The following CYSLTR1 variants were observed in gnomAD, a reference collection of about 807,000 sequenced individuals.
The protein encoded by CYSLTR1 is cysteinyl leukotriene receptor 1.
In CYSLTR1, 1 loss-of-function variant was observed where a neutral mutation model predicts 2.1. The observed-to-expected ratio is 0.48, with a 90% CI of 0.17 to 2.28. The LOEUF is 2.28. Among genes scored for constraint, CYSLTR1 ranks in the 30% most tolerant of loss-of-function variants. The pLI is 0.26. For missense variants in CYSLTR1, 299 were observed against 250.1 expected (o/e 1.20, Z -1.32); for synonymous variants, 110 against 89.6 (o/e 1.23, Z -1.28).
intron 1 of CYSLTR1, among the ~76,000 whole-genome samples, chrX:78,326,366 TA>T (rs900254324): frequency 8.0e-5 from 9 of 112,054 alleles, no homozygotes; most frequent in African/African-American, 2.9e-4. Flanking sequence ...TTTTTGTTTT[TA>T]AAACAGTGTA....
At chrX:78,286,747 C>G (rs953487739) in intron 1 of CYSLTR1, among the ~76,000 whole-genome samples, 5 of 105,446 alleles carry the variant, frequency 4.7e-5, no homozygotes, top group South Asian at 9.0e-4. Context: ...GGTGTTTAAA[C>G]TTTTAAAAAA....
intron 1 of CYSLTR1, among the ~76,000 whole-genome samples, chrX:78,316,919 G>A (rs887159945): frequency 9.0e-5 from 10 of 111,355 alleles, no homozygotes; most frequent in African/African-American, 2.0e-4. Flanking sequence ...TCTAGATGTC[G>A]GCTAAGGCAG....
rs185264024 is a variant in CYSLTR1, at chrX:78,285,313, C to T, written c.-114-1773G>A. ...GCGGGCGCCTTTAGTCCCAGCTACTCGGAGAGGCTGAGGCAGGAGAATGGC... is the reference window on the plus strand; with the variant it reads ...GCGGGCGCCTTTAGTCCCAGCTACTTGGAGAGGCTGAGGCAGGAGAATGGC... On this transcript the variant is annotated intron_variant, in intron 1 of 2. Coordinates refer to ENST00000373304, the MANE Select transcript of CYSLTR1 (RefSeq NM_006639.4). Among the ~76,000 whole-genome samples, 453 of 106,553 alleles carry T rather than the reference C, an allele frequency of 4.3e-3. 1 individual carries two copies. Among genetic ancestry groups the T allele is most frequent in the Non-Finnish European group, 7.3e-3 (382 of 52,000 alleles). 92.5% of individuals were successfully genotyped at this position (106,553 alleles called of 115,157 possible).
intron 1 of CYSLTR1, among the ~76,000 whole-genome samples, chrX:78,301,734 C>T (rs755601640): frequency 5.4e-5 from 6 of 112,135 alleles, no homozygotes; most frequent in Non-Finnish European, 1.1e-4. Context: ...AAAGTTGCTT[C>T]CACATCTTTG....
intron 1 of CYSLTR1, among the ~76,000 whole-genome samples, chrX:78,301,249 C>A (rs1353757953): frequency 2.7e-5 from 3 of 112,617 alleles, no homozygotes; most frequent in Non-Finnish European, 3.8e-5. Flanking sequence ...CTTCTCATTA[C>A]TTATTCAAAT....
Position 78,312,696 on chromosome X carries a change from A to G in CYSLTR1, c.-115+14609T>C, listed in dbSNP as rs771170103. Among the ~76,000 whole-genome samples the G allele has an allele frequency of 4.5e-5, 5 of 112,352 alleles. No homozygotes were observed. The East Asian group carries it at 1.4e-3, about 31-fold the overall frequency. On this transcript the variant is annotated intron_variant, in intron 1 of 2. Transcript: ENST00000373304. Reference sequence around the variant, plus strand: ...CTTCTTAAAAGAAGATGTACAAGCAACCAACAAACATAAAAAATACTCAAC... The same window carrying G: ...CTTCTTAAAAGAAGATGTACAAGCAGCCAACAAACATAAAAAATACTCAAC...
At chrX:78,284,536 G>C (rs1846910724) in intron 1 of CYSLTR1, among the ~76,000 whole-genome samples, 1 of 110,618 alleles carries the variant, frequency 9.0e-6, no homozygotes, top group African/African-American at 3.3e-5. Context: ...GAGTAGCTGG[G>C]ATTGCAGGCA....
intron 1 of CYSLTR1, among the ~76,000 whole-genome samples, chrX:78,290,641 G>A (rs1922282294): frequency 9.0e-6 from 1 of 111,626 alleles, no homozygotes; most frequent in South Asian, 3.7e-4. Flanking sequence ...TTGAGCAGTG[G>A]TTTGTATTTC....
chrX:78,305,654 C>G (rs187990658), intron 1 of CYSLTR1, among the ~76,000 whole-genome samples: 1 of 112,521 alleles, frequency 8.9e-6, no homozygotes, highest in African/African-American at 3.2e-5. Flanking sequence ...CCAGCAGCCC[C>G]TGGCAAATGC....
At chrX:78,307,597 A>T (rs772952245) in intron 1 of CYSLTR1, among the ~76,000 whole-genome samples, 4 of 111,676 alleles carry the variant, frequency 3.6e-5, no homozygotes, top group Admixed American at 9.5e-5. Context: ...ATCCCATTAT[A>T]TCCACAGGTC....
intron 1 of CYSLTR1, among the ~76,000 whole-genome samples, chrX:78,291,550 T>C (rs1250781484): frequency 9.0e-6 from 1 of 111,424 alleles, no homozygotes; most frequent in South Asian, 3.7e-4. Flanking sequence ...CCAGCTCCTG[T>C]TTTTGTCTCT....
intron 1 of CYSLTR1, among the ~76,000 whole-genome samples, chrX:78,323,092 T>C (rs1160790148): frequency 1.8e-5 from 2 of 112,014 alleles, no homozygotes; most frequent in Admixed American, 1.9e-4. Flanking sequence ...AGTGCATGAG[T>C]GTGGGTGACA....
intron 1 of CYSLTR1, among the ~76,000 whole-genome samples, chrX:78,305,786 T>A (rs73226147): frequency 2.9e-3 from 333 of 113,128 alleles, no homozygotes; most frequent in Non-Finnish European, 5.1e-3. Context: ...TCAAGGCTCA[T>A]CCATGCAGTT....
chrX:78,281,332 T>C (rs1381746913), intron 2 of CYSLTR1, among the ~76,000 whole-genome samples: 1 of 109,414 alleles, frequency 9.1e-6, no homozygotes, highest in Non-Finnish European at 1.9e-5. Context: ...AATGGCACAA[T>C]CTCGGCTCAC....
Position 78,280,525 on chromosome X carries a change from T to TGG in CYSLTR1, c.-28+2927_-28+2928dup, listed in dbSNP as rs377272877. Reference sequence around the variant, plus strand: ...ATATACCATTTGTGTGTGTGTGTGTTGGGGGGGGGGTAAGAATGCTTAAGA... The same window carrying TGG: ...ATATACCATTTGTGTGTGTGTGTGTTGGGGGGGGGGGGTAAGAATGCTTAAGA... On this transcript the variant is annotated intron_variant, in intron 2 of 2. Transcript: ENST00000373304. Among the ~76,000 whole-genome samples, 124 of 95,474 alleles carry TGG rather than the reference T, an allele frequency of 1.3e-3. 2 individuals are homozygous for TGG. The highest frequency in any genetic ancestry group is 7.3e-3 in the East Asian group (19 of 2,610). The allele number at this position is 95,474 out of a possible 115,157, so 82.9% of individuals were successfully genotyped here. A position where few individuals can be genotyped will look rare whatever the true frequency, so the allele number is the denominator to read the frequency against.
In CYSLTR1 at chrX:78,282,848, T is replaced by C. The variant is rs145456373; in HGVS notation, c.-28+606A>G. Among the ~76,000 whole-genome samples the C allele has an allele frequency of 2.6e-3, 298 of 112,517 alleles. 2 individuals carry two copies. Among genetic ancestry groups the C allele is most frequent in the African/African-American group, 9.3e-3 (288 of 31,067 alleles). The stretch of plus-strand genomic sequence containing the variant: ...TTTGAAAGATGCTAAATAAAACTGA[T>C]AAATAACTATAAAAATATACAAAGA... On this transcript the variant is annotated intron_variant, in intron 2 of 2. Transcript: ENST00000373304.
chrX:78,274,653 C>G (rs1296725467), intron 2 of CYSLTR1, among the ~76,000 whole-genome samples: 1 of 110,561 alleles, frequency 9.0e-6, no homozygotes, highest in Non-Finnish European at 1.9e-5. Flanking sequence ...CATTACCATT[C>G]AGGACATAGG....
intron 1 of CYSLTR1, among the ~76,000 whole-genome samples, chrX:78,303,596 T>A (rs1411209754): frequency 2.7e-5 from 3 of 111,395 alleles, no homozygotes; most frequent in African/African-American, 9.8e-5. Context: ...GAATAAGTCA[T>A]TCTTTTGGTA....
chrX:78,296,780 T>A (rs1387540716), intron 1 of CYSLTR1, among the ~76,000 whole-genome samples: 1 of 112,251 alleles, frequency 8.9e-6, no homozygotes, highest in Admixed American at 9.4e-5. Context: ...TCAGTTCTAA[T>A]GATTTTTTTG....
Sources: gnomAD v4.1 joint callset for allele counts (sites outside exome capture counted in the v4.1 genomes callset) on GRCh38, gnomAD v4.1.1 for gene constraint, MANE v1.5 for transcripts, NCBI Gene and HGNC (gene_info 2026-07-23, HGNC 2026-07-21) for gene names.